Variants in CDYL2 observed in about 807,000 individuals in gnomAD.
CDYL2 encodes chromodomain Y like 2.
A neutral mutation model predicts 49.4 loss-of-function variants in CDYL2; 23 were observed. The observed-to-expected ratio is 0.47, with a 90% CI of 0.34 to 0.66. CDYL2 has a LOEUF of 0.66. Among genes scored for constraint, CDYL2 ranks in the 30% least tolerant of loss-of-function variants. The pLI is 0.01. For missense variants in CDYL2, 678 were observed against 656.4 expected, an observed-to-expected ratio of 1.03 and a Z score of -0.36; for synonymous variants, 360 against 268.8, an observed-to-expected ratio of 1.34 and a Z score of -3.32.
chr16:80,764,156 G>A (rs928671714), intron 1 of CDYL2, among the ~76,000 whole-genome samples: 2 of 152,128 alleles, frequency 1.3e-5, no homozygotes, highest in African/African-American at 2.4e-5. Context: ...TAATAAAGTG[G>A]CTAGGTATAA....
intron 1 of CDYL2, among the ~76,000 whole-genome samples, chr16:80,730,588 C>T (rs957950281): frequency 3.9e-5 from 6 of 151,948 alleles, no homozygotes; most frequent in Non-Finnish European, 7.4e-5. Flanking sequence ...GGGAATCCTC[C>T]CTAACTCATT....
chr16:80,724,899 T>C (rs991003584), intron 1 of CDYL2, among the ~76,000 whole-genome samples: 1 of 152,214 alleles, frequency 6.6e-6, no homozygotes, highest in Non-Finnish European at 1.5e-5. Context: ...CAGGGGAATC[T>C]TTTAAACTGT....
intron 1 of CDYL2, among the ~76,000 whole-genome samples, chr16:80,741,576 GA>G (rs1905736937): frequency 6.6e-6 from 1 of 151,994 alleles, no homozygotes; most frequent in Non-Finnish European, 1.5e-5. Flanking sequence ...CATATTAATG[GA>G]AAAGGTCACG....
Position 80,729,722 on chromosome 16 carries a change from A to G in CDYL2, c.25-44593T>C, listed in dbSNP as rs186797192. ...GGAAGTAAAGCTCTCCTCGGCAAATATAAAAGAACAGAAATTATAACAAAC... is the reference window on the plus strand; with the variant it reads ...GGAAGTAAAGCTCTCCTCGGCAAATGTAAAAGAACAGAAATTATAACAAAC... On this transcript the variant is annotated intron_variant, in intron 1 of 6. Transcript: ENST00000570137. Among the ~76,000 whole-genome samples, 1,129 of 152,204 alleles carry G rather than the reference A, an allele frequency of 7.4e-3. 18 individuals carry two copies. Among genetic ancestry groups the G allele is most frequent in the African/African-American group, 0.025 (1,047 of 41,476 alleles).
At chr16:80,706,243 G>C (rs1597089110) in intron 1 of CDYL2, among the ~76,000 whole-genome samples, 1 of 152,340 alleles carries the variant, frequency 6.6e-6, no homozygotes, top group Non-Finnish European at 1.5e-5. Flanking sequence ...CTACAGGCCA[G>C]TAACCTCTCG....
chr16:80,620,590 T>C (rs1188978093), intron 4 of CDYL2, among the ~76,000 whole-genome samples, 173 bp downstream of exon 4: 1 of 152,230 alleles, frequency 6.6e-6, no homozygotes, highest in Non-Finnish European at 1.5e-5. Context: ...GAATTTCAGA[T>C]AAATAACCAA....
At chr16:80,778,848 A>G (rs1245389221) in intron 1 of CDYL2, among the ~76,000 whole-genome samples, 1 of 152,132 alleles carries the variant, frequency 6.6e-6, no homozygotes, top group African/African-American at 2.4e-5. Flanking sequence ...TTACAATTTC[A>G]TCAATGACAA....
intron 1 of CDYL2, among the ~76,000 whole-genome samples, chr16:80,772,999 A>T (rs913229848): frequency 3.9e-5 from 6 of 152,224 alleles, no homozygotes; most frequent in African/African-American, 1.4e-4. Flanking sequence ...TAAATATTCC[A>T]ATTAAAACAT....
Position 80,792,087 on chromosome 16 carries a change from G to A in CDYL2, c.24+12063C>T, listed in dbSNP as rs972473379. Reference sequence around the variant, plus strand: ...TGCACTTCTACCTTGGGAACAGGTGGATGGGGGTGCTACTGAGGCTAGGAA... The same window carrying A: ...TGCACTTCTACCTTGGGAACAGGTGAATGGGGGTGCTACTGAGGCTAGGAA... On this transcript the variant is annotated intron_variant, in intron 1 of 6. Coordinates refer to ENST00000570137, the MANE Select transcript of CDYL2 (RefSeq NM_152342.4). 5.9e-5 allele frequency among the ~76,000 whole-genome samples: 9 copies of A among 152,198 alleles called. 1 individual carries two copies. The highest frequency in any genetic ancestry group is 4.6e-4 in the Admixed American group (7 of 15,282).
At chr16:80,756,734 T>C (rs1252409353) in intron 1 of CDYL2, among the ~76,000 whole-genome samples, 3 of 152,128 alleles carry the variant, frequency 2.0e-5, no homozygotes, top group Admixed American at 6.5e-5. Context: ...CTTAGGAATA[T>C]TCATTTTAAA....
At chr16:80,788,522 A>G (rs907025545) in intron 1 of CDYL2, among the ~76,000 whole-genome samples, 5 of 152,232 alleles carry the variant, frequency 3.3e-5, no homozygotes, top group African/African-American at 1.2e-4. Flanking sequence ...TGTAACACTC[A>G]TTGACCTATA....
At chr16:80,763,774 T>A (rs1044375650) in intron 1 of CDYL2, among the ~76,000 whole-genome samples, 7 of 152,214 alleles carry the variant, frequency 4.6e-5, no homozygotes, top group Non-Finnish European at 1.0e-4. Context: ...ACCAAATGTT[T>A]ACTGAAGCAT....
chr16:80,680,294 G>C (rs887859437), intron 2 of CDYL2, among the ~76,000 whole-genome samples: 1 of 152,186 alleles, frequency 6.6e-6, no homozygotes, highest in African/African-American at 2.4e-5. Context: ...CAGTCATCAA[G>C]ATGCAAGGAA....
intron 6 of CDYL2, among the ~76,000 whole-genome samples, chr16:80,605,093 C>T (rs1906272768): frequency 6.6e-6 from 1 of 151,892 alleles, no homozygotes; most frequent in South Asian, 2.1e-4. Flanking sequence ...GAGTAAAAAT[C>T]ATAGGAATGA....
rs1003540037 is a variant in CDYL2, at chr16:80,601,494, G to A, written c.*2894C>T. On this transcript the variant is annotated 3_prime_UTR_variant, in exon 7 of 7. Transcript: ENST00000570137. ...GGGGAAGGTACGGGAAAATGGTAGA[G>A]AGAGGGGAGAAAGGATCCCATAGAC... 6.6e-6 allele frequency: 1 copy of A among 152,344 alleles called. No individual in the cohort carries two copies. The highest frequency in any genetic ancestry group is 2.4e-5 in the African/African-American group (1 of 41,578). The allele number at this position is 152,344 out of a possible 1,614,324, so 9.4% of individuals were successfully genotyped here. A position where few individuals can be genotyped will look rare whatever the true frequency, so the allele number is the denominator to read the frequency against.
intron 1 of CDYL2, among the ~76,000 whole-genome samples, chr16:80,726,913 C>T (rs1371775723): frequency 6.6e-6 from 1 of 152,112 alleles, no homozygotes; most frequent in African/African-American, 2.4e-5. Context: ...TAATGAGATG[C>T]TGCCTCTACA....
rs1443385114 is a variant in CDYL2 at position 80,744,071 on chromosome 16, T to C, written c.25-58942A>G. 2.0e-5 allele frequency among the ~76,000 whole-genome samples: 3 copies of C among 152,172 alleles called. No homozygotes were observed. The South Asian group carries it at 6.2e-4, about 32-fold the overall frequency. ...TTAATATGTTCAAAACCCCCAGGAA[T>C]TAGGTATCATTATTCCTGTTTGGAA... is the stretch of plus-strand genomic sequence containing the variant. On this transcript the variant is annotated intron_variant, in intron 1 of 6. Transcript: ENST00000570137.
chr16:80,705,546 T>C (rs1481809346), intron 1 of CDYL2, among the ~76,000 whole-genome samples: 1 of 152,260 alleles, frequency 6.6e-6, no homozygotes, highest in Non-Finnish European at 1.5e-5. Context: ...TGGCAGAATC[T>C]GTTCTTCCTA....
chr16:80,664,460 A>G (rs1909176982), intron 2 of CDYL2, among the ~76,000 whole-genome samples: 2 of 152,198 alleles, frequency 1.3e-5, no homozygotes, highest in Non-Finnish European at 2.9e-5. Context: ...GCTTTGCAGC[A>G]GGTCACTGGG....
Sources: gnomAD v4.1 joint callset for allele counts (sites outside exome capture counted in the v4.1 genomes callset) on GRCh38, gnomAD v4.1.1 for gene constraint, MANE v1.5 for transcripts, NCBI Gene and HGNC (gene_info 2026-07-23, HGNC 2026-07-21) for gene names.